The following BABAM2 variants were observed in gnomAD, a reference collection of about 807,000 sequenced individuals.
BABAM2 encodes the protein BRISC and BRCA1-A complex member 2.
A neutral mutation model predicts 54.7 loss-of-function variants in BABAM2; 31 were observed. The observed-to-expected ratio is 0.57, with a 90% CI of 0.43 to 0.77. The LOEUF (loss-of-function observed/expected upper bound fraction) is 0.77. Among genes scored for constraint, BABAM2 ranks in the 30% least tolerant of loss-of-function variants. BABAM2 has a pLI of 0.00. For missense variants in BABAM2, 364 were observed against 455.8 expected (o/e 0.80, Z 1.83); for synonymous variants, 167 against 162.9 (o/e 1.03, Z -0.19).
intron 10 of BABAM2, among the ~76,000 whole-genome samples, chr2:28,257,019 A>G (rs867885754): frequency 6.6e-6 from 1 of 152,116 alleles, no homozygotes; most frequent in Non-Finnish European, 1.5e-5. Context: ...CTTTACAGCA[A>G]TACATGTCCA....
At chr2:28,074,194 A>C (rs2148662642) in intron 6 of BABAM2, among the ~76,000 whole-genome samples, 1 of 152,314 alleles carries the variant, frequency 6.6e-6, no homozygotes, top group African/African-American at 2.4e-5. Flanking sequence ...GAAAGTAGAC[A>C]TGAATTTATT....
chr2:28,196,554 G>A (rs997107691), intron 7 of BABAM2, among the ~76,000 whole-genome samples: 1 of 151,762 alleles, frequency 6.6e-6, no homozygotes, highest in African/African-American at 2.4e-5. Context: ...GAAAAGGTAA[G>A]CTGTAGGTCA....
chr2:28,092,659 T>C (rs535062938), intron 6 of BABAM2, among the ~76,000 whole-genome samples: 22 of 152,196 alleles, frequency 1.4e-4, no homozygotes, highest in Admixed American at 4.6e-4. Context: ...GGTTGAAGAA[T>C]AGGGTAGCAT....
intron 4 of BABAM2, among the ~76,000 whole-genome samples, chr2:28,004,498 A>G (rs766657253): frequency 3.3e-5 from 5 of 152,240 alleles, no homozygotes; most frequent in African/African-American, 4.8e-5. Flanking sequence ...AGATTGAAAA[A>G]TAAAGTCTGG....
chr2:28,114,353 C>T (rs1410554771), intron 6 of BABAM2, among the ~76,000 whole-genome samples: 1 of 152,140 alleles, frequency 6.6e-6, no homozygotes, highest in Non-Finnish European at 1.5e-5. Flanking sequence ...TTCTTTATCT[C>T]TTTTCTTTTA....
chr2:27,943,465 C>G (rs1423268943), intron 3 of BABAM2, among the ~76,000 whole-genome samples: 2 of 152,184 alleles, frequency 1.3e-5, no homozygotes, highest in Non-Finnish European at 1.5e-5. Context: ...TTGGCTTTAG[C>G]AGGACAAACC....
At chr2:28,062,641 C>G (rs766672583) in intron 6 of BABAM2, among the ~76,000 whole-genome samples, 2 of 151,676 alleles carry the variant, frequency 1.3e-5, no homozygotes, top group Non-Finnish European at 1.5e-5. Flanking sequence ...GCATTATCAG[C>G]AATGATACTT....
intron 6 of BABAM2, among the ~76,000 whole-genome samples, chr2:28,056,888 T>C (rs1019889563): frequency 6.6e-6 from 1 of 152,224 alleles, no homozygotes. Flanking sequence ...ATTACTTTGG[T>C]TTTTGTCAGT....
At chr2:28,051,513 A>G (rs1180289840) in intron 6 of BABAM2, among the ~76,000 whole-genome samples, 1 of 152,202 alleles carries the variant, frequency 6.6e-6, no homozygotes, top group African/African-American at 2.4e-5. Flanking sequence ...AAGCAGGATA[A>G]TGAAACCAAA....
intron 5 of BABAM2, among the ~76,000 whole-genome samples, chr2:28,036,195 A>G (rs1019123983): frequency 1.3e-5 from 2 of 152,150 alleles, no homozygotes; most frequent in Non-Finnish European, 2.9e-5. Context: ...TTGTCCAAGG[A>G]CCAGCTGAGG....
At chr2:28,018,297 A>G (rs1253021901) in intron 4 of BABAM2, among the ~76,000 whole-genome samples, 1 of 152,326 alleles carries the variant, frequency 6.6e-6, no homozygotes, top group South Asian at 2.1e-4. Context: ...ACTTAGAATA[A>G]TAGTCTCCAA....
intron 6 of BABAM2, among the ~76,000 whole-genome samples, chr2:28,093,776 C>T (rs1666364587): frequency 6.6e-6 from 1 of 152,020 alleles, no homozygotes; most frequent in South Asian, 2.1e-4. Context: ...AAGATTGGGA[C>T]TGAGCCATCA....
intron 3 of BABAM2, among the ~76,000 whole-genome samples, chr2:27,931,146 C>G (rs1228374353): frequency 6.6e-6 from 1 of 152,104 alleles, no homozygotes; most frequent in Admixed American, 6.5e-5. Context: ...ATTATTAGAC[C>G]ATTTTCTGGA....
chr2:28,075,152 C>T (rs559056918), intron 6 of BABAM2, among the ~76,000 whole-genome samples: 12 of 152,252 alleles, frequency 7.9e-5, no homozygotes, highest in South Asian at 4.2e-4. Flanking sequence ...TTTTTAATAC[C>T]GAGTGCACCC....
intron 6 of BABAM2, among the ~76,000 whole-genome samples, chr2:28,089,012 A>G (rs1190757125): frequency 6.6e-6 from 1 of 152,092 alleles, no homozygotes; most frequent in African/African-American, 2.4e-5. Flanking sequence ...ACTTACCAAA[A>G]GATATTGTAA....
chr2:28,223,136 G>T (rs1367483772), intron 7 of BABAM2, among the ~76,000 whole-genome samples: 1 of 152,346 alleles, frequency 6.6e-6, no homozygotes, highest in African/African-American at 2.4e-5. Context: ...CCACTTCCCT[G>T]TTATTAAGTA....
chr2:28,026,822 TTA>T (rs1221328543), intron 5 of BABAM2, among the ~76,000 whole-genome samples: 1,644 of 77,114 alleles, frequency 0.021, 40 homozygotes, highest in Non-Finnish European at 0.031. Context: ...AAATATATAT[TTA>T]TATATATAAA....
Position 28,176,569 on chromosome 2 carries a change from CAAAAAAAAAAAA to C in BABAM2, c.680+47205_680+47216del, listed in dbSNP as rs778275011. 2.2e-3 allele frequency among the ~76,000 whole-genome samples: 11 copies of C among 5,044 alleles called. 1 individual carries two copies. The highest frequency in any genetic ancestry group is 0.019 in the South Asian group (1 of 52). The allele number at this position is 5,044 out of a possible 152,430, so 3.3% of individuals were successfully genotyped here. ...TGGGCAACACAGTGAGACTCTATCTCAAAAAAAAAAAAAAAAAAAAAAAAAAACCTCACTGAG... is the reference window on the plus strand; with the variant it reads ...TGGGCAACACAGTGAGACTCTATCTCAAAAAAAAAAAAAAACCTCACTGAG... On this transcript the variant is annotated intron_variant, in intron 7 of 11. Transcript: ENST00000379624.
intron 10 of BABAM2, among the ~76,000 whole-genome samples, chr2:28,279,673 T>TC (rs1686183236): frequency 6.7e-6 from 1 of 149,146 alleles, no homozygotes; most frequent in Non-Finnish European, 1.5e-5. Flanking sequence ...TTTTTTTTTT[T>TC]TTTTTTTTTG....
Sources: allele counts gnomAD v4.1 joint callset (sites outside exome capture counted in the v4.1 genomes callset), GRCh38; gene constraint gnomAD v4.1.1; transcripts MANE v1.5; gene names NCBI Gene and HGNC (gene_info 2026-07-23, HGNC 2026-07-21).